Variants in FBXW7 observed in about 807,000 individuals in gnomAD.
The protein encoded by FBXW7 is F-box/WD repeat-containing protein 7.
FBXW7 carries 11 observed loss-of-function variants against 86.3 expected under a neutral mutation model. The observed-to-expected ratio is 0.13, with a 90% CI of 0.08 to 0.21. The LOEUF is 0.21. FBXW7 is among the 10% of genes least tolerant of loss of function. FBXW7 has a pLI of 1.00. For synonymous variants in FBXW7, 313 were observed against 297.9 expected, an observed-to-expected ratio of 1.05 and a Z score of -0.52; for missense variants, 488 against 847.4, an observed-to-expected ratio of 0.58 and a Z score of 5.27.
chr4:152,391,798 T>TA (rs1736019053), intron 4 of FBXW7, among the ~76,000 whole-genome samples: 2 of 152,090 alleles, frequency 1.3e-5, no homozygotes, highest in Non-Finnish European at 2.9e-5. Context: ...AGCTGCCAGG[T>TA]AGTAGAGTTG....
chr4:152,351,875 G>A (rs897668627), intron 4 of FBXW7, among the ~76,000 whole-genome samples: 6 of 151,976 alleles, frequency 3.9e-5, no homozygotes, highest in Admixed American at 3.3e-4. Context: ...CCCAAAATGT[G>A]TATCAAGGAA....
chr4:152,507,285 A>G, intron 2 of FBXW7, among the ~76,000 whole-genome samples: 1 of 152,246 alleles, frequency 6.6e-6, no homozygotes, highest in East Asian at 1.9e-4. Flanking sequence ...AGATCACTAC[A>G]CCAAATAAAT....
chr4:152,324,436 CTT>C (rs1486044426), intron 12 of FBXW7, 42 bp from the exon 13 acceptor site: 2 of 1,467,196 alleles, frequency 1.4e-6, no homozygotes, highest in Non-Finnish European at 1.9e-6. Flanking sequence ...TATGGATACT[CTT>C]CCTATCAATT....
chr4:152,333,742 T>C (rs551361647), intron 7 of FBXW7, among the ~76,000 whole-genome samples: 22 of 152,272 alleles, frequency 1.4e-4, no homozygotes, highest in African/African-American at 4.6e-4. Flanking sequence ...GCTTTCCCAA[T>C]GACTTTGCAT....
intron 4 of FBXW7, among the ~76,000 whole-genome samples, chr4:152,387,215 T>C (rs1394090405): frequency 6.6e-6 from 1 of 152,288 alleles, no homozygotes; most frequent in Non-Finnish European, 1.5e-5. Context: ...TTGAATTCAG[T>C]ATTATTCACT....
At chr4:152,529,011 T>C (rs1341409723) in intron 2 of FBXW7, among the ~76,000 whole-genome samples, 1 of 151,918 alleles carries the variant, frequency 6.6e-6, no homozygotes, top group Non-Finnish European at 1.5e-5. Flanking sequence ...CAGGACAAAT[T>C]AACAGCAAGA....
chr4:152,521,324 G>A (rs1469405550), intron 2 of FBXW7, among the ~76,000 whole-genome samples: 2 of 152,244 alleles, frequency 1.3e-5, no homozygotes, highest in East Asian at 3.9e-4. Flanking sequence ...AGGGTCTGAA[G>A]AGACAAATGT....
chr4:152,433,283 A>G (rs1740076418), intron 2 of FBXW7, among the ~76,000 whole-genome samples: 1 of 152,188 alleles, frequency 6.6e-6, no homozygotes, highest in African/African-American at 2.4e-5. Flanking sequence ...GAAACTGTCA[A>G]TTAGTTTTCC....
chr4:152,463,418 C>G (rs947050760), intron 2 of FBXW7, among the ~76,000 whole-genome samples: 1 of 152,150 alleles, frequency 6.6e-6, no homozygotes, highest in East Asian at 1.9e-4. Context: ...TTTATTTCCA[C>G]CATCTGCAGA....
intron 5 of FBXW7, 26 bp downstream of exon 5, chr4:152,350,016 G>T (rs916642425): frequency 2.4e-6 from 3 of 1,262,518 alleles, no homozygotes; most frequent in Non-Finnish European, 3.3e-6. Flanking sequence ...TGAGAATCAT[G>T]AGATAATCAT....
At chr4:152,329,522 T>TG (rs1375732608) in intron 10 of FBXW7, 150 bp downstream of exon 10, 8 of 430,256 alleles carry the variant, frequency 1.9e-5, no homozygotes, top group Non-Finnish European at 3.3e-5. Context: ...TTCATAAATA[T>TG]GGGGAAAAAA....
intron 2 of FBXW7, among the ~76,000 whole-genome samples, chr4:152,509,690 C>A (rs1415609605): frequency 5.3e-5 from 8 of 152,078 alleles, no homozygotes; most frequent in Admixed American, 1.3e-4. Flanking sequence ...ACAGTACTAC[C>A]CCTCAATAAG....
chr4:152,336,319 A>AT (rs1264763216), intron 7 of FBXW7, among the ~76,000 whole-genome samples: 1 of 152,050 alleles, frequency 6.6e-6, no homozygotes, highest in East Asian at 1.9e-4. Flanking sequence ...TAATTCTTAG[A>AT]TTTTTCAAAA....
chr4:152,411,672 T>G lies in FBXW7; in HGVS notation c.132A>C (p.Gln44His), dbSNP rs532252384. The G allele has an allele frequency of 2.5e-6, 4 of 1,613,992 alleles. No homozygotes were observed. In the South Asian group the frequency reaches 4.4e-5, roughly 18 times the overall value. Residue 44 changes from glutamine to histidine, a missense_variant, in exon 4 of 14, where the codon CAA becomes CAC. By Grantham distance (24) the Gln-to-His change is conservative. Coordinates refer to ENST00000281708, the MANE Select transcript of FBXW7 (RefSeq NM_001349798.2). ...NRVVEEEQQQ[Q>H]LRQQEEEHTA... is the part of the protein sequence containing the mutation. ...TGTGCTCCTCCTCTTGTTGTCTGAGTTGCTGTTGCTGTTCCTCCTCTACCA... is the reference window on the plus strand; with the variant it reads ...TGTGCTCCTCCTCTTGTTGTCTGAGGTGCTGTTGCTGTTCCTCCTCTACCA...
chr4:152,402,194 A>G (rs1736999733), intron 4 of FBXW7, among the ~76,000 whole-genome samples: 1 of 152,186 alleles, frequency 6.6e-6, no homozygotes, highest in Non-Finnish European at 1.5e-5. Context: ...AAGTATACAC[A>G]CTGACTCCAG....
At chr4:152,495,769 G>A (rs1369079038) in intron 2 of FBXW7, among the ~76,000 whole-genome samples, 2 of 152,062 alleles carry the variant, frequency 1.3e-5, no homozygotes, top group African/African-American at 4.8e-5. Flanking sequence ...TCCTACATAG[G>A]TCAATAACAG....
chr4:152,339,016 G>A (rs1052696531), intron 6 of FBXW7, among the ~76,000 whole-genome samples: 1 of 152,154 alleles, frequency 6.6e-6, no homozygotes, highest in African/African-American at 2.4e-5. Context: ...AAGGATATGA[G>A]GAGCTGTATT....
At chr4:152,492,465 A>G (rs896314936) in intron 2 of FBXW7, among the ~76,000 whole-genome samples, 7 of 152,236 alleles carry the variant, frequency 4.6e-5, no homozygotes, top group African/African-American at 1.7e-4. Context: ...GTGGTATTCC[A>G]AAGTGGCTCT....
At chr4:152,461,037 T>G (rs1033867822) in intron 2 of FBXW7, among the ~76,000 whole-genome samples, 4 of 152,170 alleles carry the variant, frequency 2.6e-5, no homozygotes, top group Non-Finnish European at 5.9e-5. Context: ...TCAAAGTACT[T>G]TGGGAGGCCA....
Sources: gnomAD v4.1 joint callset for allele counts (sites outside exome capture counted in the v4.1 genomes callset) on GRCh38, gnomAD v4.1.1 for gene constraint, MANE v1.5 for transcripts, NCBI Gene and HGNC (gene_info 2026-07-23, HGNC 2026-07-21) for gene names.